Variants in MOGAT1 observed in about 807,000 individuals in gnomAD.
MOGAT1 encodes the protein monoacylglycerol O-acyltransferase 1.
MOGAT1 carries 32 observed loss-of-function variants against 31.4 expected under a neutral mutation model. That is an observed-to-expected ratio of 1.02 (90% confidence interval 0.77 to 1.37). The LOEUF is 1.37. MOGAT1 is among the 40% of genes most tolerant of loss of function. The pLI is 0.00. For missense variants in MOGAT1, 426 were observed against 402.0 expected, an observed-to-expected ratio of 1.06 and a Z score of -0.51; for synonymous variants, 145 against 144.5, an observed-to-expected ratio of 1.00 and a Z score of -0.03.
intron 1 of MOGAT1, among the ~76,000 whole-genome samples, chr2:222,681,962 C>T (rs956331966): frequency 3.3e-5 from 5 of 152,128 alleles, no homozygotes; most frequent in African/African-American, 4.8e-5. Context: ...AACAATACTG[C>T]GTTATATACT....
intron 3 of MOGAT1, among the ~76,000 whole-genome samples, chr2:222,693,321 T>TG (rs1188657870): frequency 6.6e-6 from 1 of 152,198 alleles, no homozygotes; most frequent in Non-Finnish European, 1.5e-5. Context: ...TATTTTTACA[T>TG]GGGAAAGCCT....
At chr2:222,699,837 AGAT>A (rs1692894502) in intron 5 of MOGAT1, among the ~76,000 whole-genome samples, 1 of 152,120 alleles carries the variant, frequency 6.6e-6, no homozygotes, top group Non-Finnish European at 1.5e-5. Flanking sequence ...TCCTTTTACG[AGAT>A]GGTGTCTTGC....
intron 5 of MOGAT1, among the ~76,000 whole-genome samples, chr2:222,703,623 A>G (rs1034287537): frequency 6.6e-6 from 1 of 152,142 alleles, no homozygotes; most frequent in Non-Finnish European, 1.5e-5. Flanking sequence ...AGCCTCCACC[A>G]TAAGCCACGG....
intron 4 of MOGAT1, 74 bp from the exon 5 acceptor site, chr2:222,695,015 G>T: frequency 8.3e-7 from 1 of 1,204,216 alleles, no homozygotes. Flanking sequence ...GTTGTTGCAA[G>T]AGTCAGCTAA....
Position 222,671,811 on chromosome 2 carries a change from A to T in MOGAT1, c.26A>T (p.Asn9Ile), listed in dbSNP as rs1255106732. 5.8e-6 allele frequency: 9 copies of T among 1,553,606 alleles called. No individual in the cohort carries two copies. The Admixed American group carries it at 7.8e-5, about 13-fold the overall frequency. The part of the protein sequence containing the change: MKVEFAPL[N>I]IQLARRLQTV... Reference sequence around the variant, plus strand: ...ATGAAGGTAGAGTTTGCACCGCTCAACATCCAGCTGGCGCGGCGGCTGCAG... The same window carrying T: ...ATGAAGGTAGAGTTTGCACCGCTCATCATCCAGCTGGCGCGGCGGCTGCAG... The change falls in exon 1 of 6, where the codon AAC becomes ATC. Residue 9 changes from asparagine to isoleucine, a missense_variant. Coordinates refer to ENST00000446656, the MANE Select transcript of MOGAT1 (RefSeq NM_058165.3).
At chr2:222,694,675 C>A in intron 4 of MOGAT1, 139 bp downstream of exon 4, 2 of 805,072 alleles carry the variant, frequency 2.5e-6, no homozygotes, top group Non-Finnish European at 1.9e-6. Flanking sequence ...TGTGGATGTT[C>A]TTGGGGAATG....
intron 1 of MOGAT1, among the ~76,000 whole-genome samples, chr2:222,679,001 C>T (rs944343294): frequency 2.6e-5 from 4 of 152,092 alleles, no homozygotes; most frequent in Non-Finnish European, 4.4e-5. Flanking sequence ...TCTATATTTT[C>T]TCCTACCAGT....
chr2:222,693,452 T>G (rs917480001), intron 3 of MOGAT1, among the ~76,000 whole-genome samples: 2 of 151,034 alleles, frequency 1.3e-5, no homozygotes, highest in Non-Finnish European at 2.9e-5. Flanking sequence ...TGTCTTGTTT[T>G]TTTTTTTTTT....
At chr2:222,678,454 T>C (rs1197927378) in intron 1 of MOGAT1, among the ~76,000 whole-genome samples, 1 of 152,242 alleles carries the variant, frequency 6.6e-6, no homozygotes, top group South Asian at 2.1e-4. Context: ...TGCTGAGTTT[T>C]GAGAGTTCTT....
chr2:222,685,278 C>T (rs1156365238), intron 1 of MOGAT1, among the ~76,000 whole-genome samples: 1 of 152,142 alleles, frequency 6.6e-6, no homozygotes, highest in Non-Finnish European at 1.5e-5. Context: ...AACAGTGGCT[C>T]ACATTTGATG....
intron 1 of MOGAT1, among the ~76,000 whole-genome samples, chr2:222,683,514 G>A (rs1692616828): frequency 6.6e-6 from 1 of 151,728 alleles, no homozygotes; most frequent in East Asian, 1.9e-4. Flanking sequence ...GATCACCTGA[G>A]GTCAGGAGTT....
intron 5 of MOGAT1, among the ~76,000 whole-genome samples, chr2:222,704,142 G>A (rs1366569882): frequency 6.6e-6 from 1 of 152,158 alleles, no homozygotes; most frequent in Non-Finnish European, 1.5e-5. Flanking sequence ...TTTTTCCAGG[G>A]CAAGGAATTC....
intron 1 of MOGAT1, among the ~76,000 whole-genome samples, chr2:222,681,049 C>T (rs1330699627): frequency 2.0e-5 from 3 of 152,206 alleles, no homozygotes; most frequent in Non-Finnish European, 4.4e-5. Context: ...CACTTAAGCG[C>T]TTTCAAGAAG....
chr2:222,684,041 A>G (rs960909739), intron 1 of MOGAT1, among the ~76,000 whole-genome samples: 1 of 152,200 alleles, frequency 6.6e-6, no homozygotes, highest in African/African-American at 2.4e-5. Context: ...TGAGATAAAA[A>G]TAGAAAATAG....
intron 1 of MOGAT1, among the ~76,000 whole-genome samples, chr2:222,673,610 G>A (rs1206308934): frequency 3.3e-5 from 5 of 152,178 alleles, no homozygotes; most frequent in East Asian, 1.9e-4. Context: ...CTAGCAGGAC[G>A]TGGTAGAGCT....
At chr2:222,684,604 T>G (rs1333497229) in intron 1 of MOGAT1, among the ~76,000 whole-genome samples, 2 of 151,898 alleles carry the variant, frequency 1.3e-5, no homozygotes, top group Non-Finnish European at 2.9e-5. Flanking sequence ...TGAGACAGAG[T>G]CTTGCCCTGT....
At chr2:222,702,013 T>C (rs1559234248) in intron 5 of MOGAT1, among the ~76,000 whole-genome samples, 1 of 152,238 alleles carries the variant, frequency 6.6e-6, no homozygotes, top group Admixed American at 6.5e-5. Flanking sequence ...CTCCAGGTGC[T>C]AGGCAAATGC....
chr2:222,681,274 G>A (rs1692576805), intron 1 of MOGAT1, among the ~76,000 whole-genome samples: 1 of 152,194 alleles, frequency 6.6e-6, no homozygotes. Flanking sequence ...CCAACCACAA[G>A]TCCAGGTTGG....
At chr2:222,708,322 G>A (rs1693037436) in intron 5 of MOGAT1, among the ~76,000 whole-genome samples, 1 of 152,110 alleles carries the variant, frequency 6.6e-6, no homozygotes, top group Non-Finnish European at 1.5e-5. Context: ...GACCTCAGGT[G>A]ATCCACCCGC....
Sources: gnomAD v4.1 joint callset for allele counts (sites outside exome capture counted in the v4.1 genomes callset) on GRCh38, gnomAD v4.1.1 for gene constraint, MANE v1.5 for transcripts, NCBI Gene and HGNC (gene_info 2026-07-23, HGNC 2026-07-21) for gene names.